The following VGLL4 variants were observed in gnomAD, a reference collection of about 807,000 sequenced individuals.
The protein encoded by VGLL4 is vestigial like family member 4.
VGLL4 carries 7 observed loss-of-function variants against 21.0 expected under a neutral mutation model. The ratio of observed to expected loss-of-function variants is 0.33; its 90% CI spans 0.19 to 0.63. The LOEUF (loss-of-function observed/expected upper bound fraction) is 0.63, where lower values mean the gene tolerates loss of function less well. Ranked by LOEUF, VGLL4 falls within the 20% of genes least tolerant of loss-of-function variation. The probability of loss-of-function intolerance (pLI) is 0.78; values close to 1 mark genes in which losing one functional copy is unlikely to be tolerated. For missense variants in VGLL4, 394 were observed against 425.7 expected (o/e 0.93, Z 0.66); for synonymous variants, 222 against 173.2 (o/e 1.28, Z -2.21).
At chr3:11,636,869 G>A (rs2075597856) in intron 1 of VGLL4, among the ~76,000 whole-genome samples, 1 of 152,158 alleles carries the variant, frequency 6.6e-6, no homozygotes, top group Non-Finnish European at 1.5e-5. Flanking sequence ...ACAGATGAAT[G>A]AGAAGGGAAG....
At chr3:11,633,275 A>G (rs879583622) in intron 1 of VGLL4, 2 of 152,304 alleles carry the variant, frequency 1.3e-5, no homozygotes, top group Non-Finnish European at 2.9e-5. Flanking sequence ...CAGAAATTAG[A>G]GTAAGCCAGA....
chr3:11,568,943 C>T lies in VGLL4; in HGVS notation c.273-3924G>A, dbSNP rs1263115031. On this transcript the variant is annotated intron_variant, in intron 2 of 4. Coordinates refer to ENST00000430365, the MANE Select transcript of VGLL4 (RefSeq NM_001128219.3). This position sits in a 1 kb window ranked among gnomAD's most constrained non-coding sequence, Gnocchi z 5.9. Reference sequence around the variant, plus strand: ...GGGCACTTCCACTGCCAGCTGCCCACGGAGAGAAAGATGGAAAGAGGAGGG... The same window carrying T: ...GGGCACTTCCACTGCCAGCTGCCCATGGAGAGAAAGATGGAAAGAGGAGGG... 2.7e-5 allele frequency: 33 copies of T among 1,217,346 alleles called. 1 individual carries two copies. The highest frequency in any genetic ancestry group is 2.4e-4 in the South Asian group (12 of 49,324). The allele number at this position is 1,217,346 out of a possible 1,614,324, so 75.4% of individuals were successfully genotyped here. A position where few individuals can be genotyped will look rare whatever the true frequency, so the allele number is the denominator to read the frequency against.
Position 11,602,028 on chromosome 3 carries a change from CAG to C in VGLL4, c.83-8_83-7del, listed in dbSNP as rs765755300. On this transcript the variant is annotated splice_polypyrimidine_tract_variant and splice_region_variant and intron_variant, in intron 1 of 4. Coordinates refer to ENST00000430365, the MANE Select transcript of VGLL4 (RefSeq NM_001128219.3). ...TCCCCTGAGAGCAGCTTCGCCTACGCAGAGAGAGATGATGTAGTCACTAAGCA... is the reference window on the plus strand; with the variant it reads ...TCCCCTGAGAGCAGCTTCGCCTACGCAGAGAGATGATGTAGTCACTAAGCA... The C allele has an allele frequency of 1.6e-5, 24 of 1,543,340 alleles. No homozygotes were observed. Among genetic ancestry groups the C allele is most frequent in the African/African-American group, 2.8e-5 (2 of 71,400 alleles).
At chr3:11,702,264 A>T (rs1037322502) in intron 2 of VGLL4, among the ~76,000 whole-genome samples, 2 of 152,136 alleles carry the variant, frequency 1.3e-5, no homozygotes, top group African/African-American at 4.8e-5. Flanking sequence ...GTAACCTGAG[A>T]AGGAAAGAAC....
intron 2 of VGLL4, among the ~76,000 whole-genome samples, chr3:11,588,600 T>C (rs574076491): frequency 1.2e-3 from 187 of 152,290 alleles, no homozygotes; most frequent in African/African-American, 4.3e-3. Flanking sequence ...GGCACTGCCG[T>C]GCAAACAGGG....
At chr3:11,677,623 G>A (rs1177210112) in intron 2 of VGLL4, among the ~76,000 whole-genome samples, 1 of 152,070 alleles carries the variant, frequency 6.6e-6, no homozygotes, top group East Asian at 1.9e-4. Context: ...ACAAAAACTA[G>A]AATATACAAG....
At chr3:11,593,411 TTTC>T (rs2074552435) in intron 2 of VGLL4, among the ~76,000 whole-genome samples, 2 of 152,164 alleles carry the variant, frequency 1.3e-5, no homozygotes. Flanking sequence ...CAATCATCAA[TTTC>T]TTCTTCTTAC....
intron 1 of VGLL4, chr3:11,611,561 G>A (rs1228260670): frequency 6.6e-6 from 1 of 152,250 alleles, no homozygotes; most frequent in African/African-American, 2.4e-5. Flanking sequence ...AAAGAAGAGA[G>A]GACGGGACTG....
Position 11,719,127 on chromosome 3 carries a change from C to T in VGLL4, c.-14+1267G>A. On this transcript the variant is annotated intron_variant, in intron 1 of 5. Coordinates refer to the VGLL4 transcript ENST00000273038. The surrounding 1 kb of genome is among the most constrained non-coding windows in gnomAD (Gnocchi z 4.0). ...CAGGAAGCACAGGAAGAGTACGGTG[C>T]CCCTTCCCGCAGTCCACATCACAGC... is the stretch of plus-strand genomic sequence containing the variant. 6.6e-6 allele frequency among the ~76,000 whole-genome samples: 1 copy of T among 152,190 alleles called. No individual in the cohort carries two copies. Among genetic ancestry groups the T allele is most frequent in the African/African-American group, 2.4e-5 (1 of 41,462 alleles).
chr3:11,679,166 G>C (rs1019198323), intron 2 of VGLL4, among the ~76,000 whole-genome samples: 1 of 152,008 alleles, frequency 6.6e-6, no homozygotes, highest in Non-Finnish European at 1.5e-5. Context: ...ACAACCCCAG[G>C]CAGGTCCCTC....
intron 2 of VGLL4, among the ~76,000 whole-genome samples, chr3:11,701,207 GT>G (rs2076676659): frequency 2.0e-5 from 3 of 152,138 alleles, no homozygotes; most frequent in African/African-American, 7.2e-5. Context: ...TGATGAGTGA[GT>G]TCTCACTCTA....
chr3:11,630,689 G>C (rs140971217), intron 1 of VGLL4, among the ~76,000 whole-genome samples: 1 of 152,258 alleles, frequency 6.6e-6, no homozygotes, highest in African/African-American at 2.4e-5. Flanking sequence ...TAGAGTTCCT[G>C]AAATGCTTAT....
chr3:11,632,466 T>A (rs936842256), intron 1 of VGLL4, among the ~76,000 whole-genome samples: 1 of 152,144 alleles, frequency 6.6e-6, no homozygotes. Flanking sequence ...TAGTGACAGA[T>A]ACAATGGAGT....
chr3:11,684,285 G>A (rs1277876536), intron 2 of VGLL4, among the ~76,000 whole-genome samples: 1 of 151,822 alleles, frequency 6.6e-6, no homozygotes, highest in Admixed American at 6.6e-5. Flanking sequence ...TTAAATATAT[G>A]GTTAAGTTCT....
At chr3:11,655,709 A>T (rs934237170) in intron 2 of VGLL4, among the ~76,000 whole-genome samples, 3 of 152,178 alleles carry the variant, frequency 2.0e-5, no homozygotes, top group African/African-American at 7.2e-5. Context: ...GCCGGAGGAA[A>T]CAGTGGGGTT....
intron 2 of VGLL4, among the ~76,000 whole-genome samples, chr3:11,572,008 G>A (rs957762433): frequency 3.3e-5 from 5 of 152,202 alleles, no homozygotes; most frequent in African/African-American, 1.2e-4. Context: ...TCTGGAGGCT[G>A]AGGTGGGAGG....
chr3:11,566,396 G>A (rs984303170), intron 2 of VGLL4, among the ~76,000 whole-genome samples: 1 of 152,190 alleles, frequency 6.6e-6, no homozygotes, highest in African/African-American at 2.4e-5. Flanking sequence ...TCGACAATGA[G>A]ACAACTACCA....
intron 2 of VGLL4, among the ~76,000 whole-genome samples, chr3:11,572,824 G>A (rs138520009): frequency 3.9e-5 from 6 of 152,166 alleles, no homozygotes; most frequent in African/African-American, 7.2e-5. Flanking sequence ...ATATGTACCC[G>A]TTCCTTTATG....
At chr3:11,678,390 T>G (rs531496517) in intron 2 of VGLL4, among the ~76,000 whole-genome samples, 2 of 152,306 alleles carry the variant, frequency 1.3e-5, no homozygotes, top group East Asian at 3.9e-4. Context: ...CCACATAAAA[T>G]GCCTCTCTGA....
Sources: allele counts gnomAD v4.1 joint callset (sites outside exome capture counted in the v4.1 genomes callset), GRCh38; gene constraint gnomAD v4.1.1; non-coding constraint Gnocchi (gnomAD v3.1); transcripts MANE v1.5; gene names NCBI Gene and HGNC (gene_info 2026-07-23, HGNC 2026-07-21).